Variants in CABIN1 observed in about 807,000 individuals in gnomAD.
CABIN1 encodes calcineurin-binding protein cabin-1.
Under a neutral mutation model 227.7 loss-of-function variants are expected in CABIN1, and 133 were observed. The observed-to-expected ratio is 0.58, with a 90% CI of 0.51 to 0.67. The LOEUF (loss-of-function observed/expected upper bound fraction) is 0.67, where lower values mean the gene tolerates loss of function less well. Ranked by LOEUF, CABIN1 falls within the 30% of genes least tolerant of loss-of-function variation. CABIN1 has a pLI of 0.00. For synonymous variants in CABIN1, 1,086 were observed against 1,155.1 expected (o/e 0.94, Z 1.21); for missense variants, 2,408 against 2,852.5 (o/e 0.84, Z 3.55).
intron 16 of CABIN1, among the ~76,000 whole-genome samples, chr22:24,069,604 G>A (rs950034319): frequency 2.6e-5 from 4 of 152,122 alleles, no homozygotes; most frequent in African/African-American, 9.7e-5. Context: ...TCACATGTTG[G>A]GTGTTTTGAC....
At chr22:24,040,465 G>T (rs144818212) in intron 4 of CABIN1, among the ~76,000 whole-genome samples, 2 of 152,280 alleles carry the variant, frequency 1.3e-5, no homozygotes, top group East Asian at 3.9e-4. Flanking sequence ...TTTAGTCTTT[G>T]TCCTGTGGTT....
chr22:24,062,734 C>A (rs528416620), intron 13 of CABIN1, among the ~76,000 whole-genome samples: 97 of 152,248 alleles, frequency 6.4e-4, no homozygotes, highest in Middle Eastern at 3.4e-3. Context: ...CTTCCCCTTG[C>A]CCTTGCCCCT....
chr22:24,050,923 T>G lies in CABIN1; in HGVS notation c.755T>G (p.Val252Gly). 2 of 1,614,218 alleles carry G rather than the reference T, an allele frequency of 1.2e-6. No homozygotes were observed. The highest frequency in any genetic ancestry group is 1.7e-6 in the Non-Finnish European group (2 of 1,180,038). ...CGAAAAAAGAGGCAAGCGCTGATTGTGCGGGAGAAGGAGCCGGACCTGAAA... is the reference window on the plus strand; with the variant it reads ...CGAAAAAAGAGGCAAGCGCTGATTGGGCGGGAGAAGGAGCCGGACCTGAAA... ...GLRKKRQALI[V>G]REKEPDLKLV... The change falls in exon 8 of 37, where the codon GTG (valine) becomes GGG (glycine). Residue 252 changes from valine (V) to glycine (G), a missense_variant. Physicochemically the swap from Val to Gly is moderately radical, Grantham distance 109 (BLOSUM62 -3). Transcript: ENST00000263119.
intron 28 of CABIN1, among the ~76,000 whole-genome samples, chr22:24,127,520 T>A (rs2043807728): frequency 6.6e-6 from 1 of 152,164 alleles, no homozygotes; most frequent in Admixed American, 6.5e-5. Context: ...AAGAGCTGAA[T>A]CAATGGATCA....
intron 6 of CABIN1, among the ~76,000 whole-genome samples, chr22:24,048,087 C>A (rs1210910789): frequency 6.6e-6 from 1 of 152,154 alleles, no homozygotes; most frequent in African/African-American, 2.4e-5. Flanking sequence ...CTTTCCAGAT[C>A]AATAACTTGA....
At chr22:24,108,248 G>A (rs895167702) in intron 26 of CABIN1, among the ~76,000 whole-genome samples, 1 of 152,330 alleles carries the variant, frequency 6.6e-6, no homozygotes, top group African/African-American at 2.4e-5. Flanking sequence ...ATGTGGGTCT[G>A]GGAGCCCAAC....
chr22:24,026,073 G>A (rs2036067245), intron 1 of CABIN1, among the ~76,000 whole-genome samples: 1 of 152,174 alleles, frequency 6.6e-6, no homozygotes, highest in Admixed American at 6.5e-5. Context: ...CTGAGCTCAA[G>A]TGATCCACCC....
intron 1 of CABIN1, among the ~76,000 whole-genome samples, chr22:24,016,773 CCT>C (rs2035320301): frequency 6.6e-6 from 1 of 152,160 alleles, no homozygotes; most frequent in Non-Finnish European, 1.5e-5. Flanking sequence ...GAGAATAGCG[CCT>C]GTTTCTCCAC....
chr22:24,064,814 A>G (rs2039488090), intron 15 of CABIN1, among the ~76,000 whole-genome samples: 1 of 152,032 alleles, frequency 6.6e-6, no homozygotes, highest in Admixed American at 6.6e-5. Flanking sequence ...CACATGTTTC[A>G]GAGAGCACAG....
chr22:24,136,694 T>A (rs1049513868), intron 29 of CABIN1, among the ~76,000 whole-genome samples: 3 of 150,712 alleles, frequency 2.0e-5, no homozygotes, highest in Non-Finnish European at 4.4e-5. Flanking sequence ...GACACTTAGA[T>A]TAGTTTGTCT....
At position 24,056,284 on chromosome 22, in the gene CABIN1, C is replaced by T; in HGVS notation, c.1186C>T (p.Arg396Cys). ...AGAAACAGCAAAGCGGCGGTCTGCC[C>T]GTGTCCGAAACACCAAGTGCAAAAA... ...SGETAKRRSA[R>C]VRNTKCKKEE... Residue 396 changes from arginine to cysteine, a missense_variant, in exon 10 of 37, where the codon CGT becomes TGT. Transcript: ENST00000263119. 1 of 1,613,872 alleles carries T rather than the reference C, an allele frequency of 6.2e-7. No homozygotes were observed. Among genetic ancestry groups the T allele is most frequent in the Non-Finnish European group, 8.5e-7 (1 of 1,179,910 alleles).
intron 26 of CABIN1, among the ~76,000 whole-genome samples, chr22:24,098,645 G>A (rs2042035401): frequency 6.6e-6 from 1 of 152,148 alleles, no homozygotes; most frequent in African/African-American, 2.4e-5. Context: ...TTCTAAGTCT[G>A]TCACCCCTGA....
intron 33 of CABIN1, among the ~76,000 whole-genome samples, chr22:24,170,642 G>A (rs2046745596): frequency 6.6e-6 from 1 of 152,120 alleles, no homozygotes; most frequent in East Asian, 1.9e-4. Context: ...CAGACACCCA[G>A]TATGTGGCAG....
At chr22:24,036,352 A>G (rs2036887760) in intron 3 of CABIN1, among the ~76,000 whole-genome samples, 171 bp downstream of exon 3, 5 of 152,214 alleles carry the variant, frequency 3.3e-5, no homozygotes, top group Admixed American at 3.3e-4. Flanking sequence ...GCAGACGATC[A>G]TATAGAGGAG....
At chr22:24,131,320 C>G (rs1181304940) in intron 28 of CABIN1, among the ~76,000 whole-genome samples, 1 of 152,208 alleles carries the variant, frequency 6.6e-6, no homozygotes, top group Non-Finnish European at 1.5e-5. Context: ...GCTCTGGGGT[C>G]ATGACTCTTG....
At chr22:24,166,549 A>G in intron 31 of CABIN1, 90 bp from the exon 32 acceptor site, 3 of 1,506,870 alleles carry the variant, frequency 2.0e-6, no homozygotes, top group Non-Finnish European at 2.8e-6. Context: ...CAGGTGGGAG[A>G]GGCCCAGGTT....
At chr22:24,039,672 G>C (rs1435062585) in intron 4 of CABIN1, among the ~76,000 whole-genome samples, 1 of 152,184 alleles carries the variant, frequency 6.6e-6, no homozygotes, top group African/African-American at 2.4e-5. Context: ...TTTACCTAAG[G>C]GCACGGTCAT....
intron 26 of CABIN1, among the ~76,000 whole-genome samples, chr22:24,107,857 T>C (rs9608238): frequency 0.86 from 131,019 of 152,242 alleles, 56,700 homozygotes; most frequent in East Asian, 0.97. Context: ...GCTTGCTTCC[T>C]GGAGCTTGCC....
intron 29 of CABIN1, among the ~76,000 whole-genome samples, chr22:24,137,675 T>C (rs1412548587): frequency 3.3e-5 from 5 of 152,274 alleles, no homozygotes; most frequent in Admixed American, 6.5e-5. Flanking sequence ...AGAGATAGGT[T>C]TGGGCTACTT....
Sources: gnomAD v4.1 joint callset for allele counts (sites outside exome capture counted in the v4.1 genomes callset) on GRCh38, gnomAD v4.1.1 for gene constraint, MANE v1.5 for transcripts, NCBI Gene and HGNC (gene_info 2026-07-23, HGNC 2026-07-21) for gene names.